The following TMEM132C variants were observed in gnomAD, a reference collection of about 807,000 sequenced individuals.
The protein encoded by TMEM132C is protein phosphatase 1, regulatory subunit 152.
A neutral mutation model predicts 61.4 loss-of-function variants in TMEM132C; 29 were observed. That is an observed-to-expected ratio of 0.47 (90% CI 0.35 to 0.64). TMEM132C has a LOEUF of 0.64. Among genes scored for constraint, TMEM132C ranks in the 30% least tolerant of loss-of-function variants. The probability of loss-of-function intolerance (pLI) is 0.00; values close to 1 mark genes in which losing one functional copy is unlikely to be tolerated. For missense variants in TMEM132C, 1,408 were observed against 1,476.9 expected (o/e 0.95, Z 0.76); for synonymous variants, 656 against 633.1 (o/e 1.04, Z -0.54).
At chr12:128,513,956 T>TA (rs1209832181) in intron 2 of TMEM132C, among the ~76,000 whole-genome samples, 1 of 152,136 alleles carries the variant, frequency 6.6e-6, no homozygotes, top group African/African-American at 2.4e-5. Flanking sequence ...AGACAGACCG[T>TA]AGGGAGGGTG....
intron 1 of TMEM132C, among the ~76,000 whole-genome samples, chr12:128,268,706 G>A (rs1284755364): frequency 6.6e-6 from 1 of 152,088 alleles, no homozygotes; most frequent in Non-Finnish European, 1.5e-5. Context: ...GTTGTCAATG[G>A]AGGTTTAAAA....
intron 5 of TMEM132C, among the ~76,000 whole-genome samples, chr12:128,686,081 A>ATG (rs540941095): frequency 8.1e-5 from 11 of 135,900 alleles, no homozygotes; most frequent in African/African-American, 2.0e-4. Flanking sequence ...GTGTGTGCGC[A>ATG]TGTGTGTTGT....
chr12:128,591,985 G>GATC (rs1875767971), intron 3 of TMEM132C, among the ~76,000 whole-genome samples: 1 of 145,534 alleles, frequency 6.9e-6, no homozygotes, highest in African/African-American at 2.5e-5. Context: ...CCGAGAGGCG[G>GATC]ATGTTGCAGT....
At chr12:128,429,507 A>G (rs1398868828) in intron 2 of TMEM132C, among the ~76,000 whole-genome samples, 1 of 151,984 alleles carries the variant, frequency 6.6e-6, no homozygotes, top group African/African-American at 2.4e-5. Context: ...TCTGCTGGGA[A>G]CCTGGCAGCC....
intron 2 of TMEM132C, among the ~76,000 whole-genome samples, chr12:128,475,734 A>T (rs1161541109): frequency 2.6e-5 from 4 of 152,174 alleles, no homozygotes; most frequent in Non-Finnish European, 5.9e-5. Flanking sequence ...TGGTCCCTTC[A>T]TCTGTGCAGA....
At chr12:128,575,823 C>T (rs1021493987) in intron 3 of TMEM132C, among the ~76,000 whole-genome samples, 38 of 152,230 alleles carry the variant, frequency 2.5e-4, no homozygotes, top group Non-Finnish European at 4.7e-4. Flanking sequence ...GTGTTCCAAA[C>T]GTGGCACAGT....
In TMEM132C at chr12:128,705,944, C is replaced by T. The variant is rs1053119492; in HGVS notation, c.2976C>T (p.Asp992=). Residue 992 remains aspartate, a synonymous_variant, in exon 9 of 9, where the codon GAC becomes GAT. Coordinates refer to ENST00000435159, the MANE Select transcript of TMEM132C (RefSeq NM_001136103.3). The part of the protein sequence containing the change: ...ESMGDAPPPQ[D]EHTTIIDRGP... Reference sequence around the variant, plus strand: ...TGGGGGATGCGCCGCCGCCCCAGGACGAGCACACCACCATCATAGACCGCG... The same window carrying T: ...TGGGGGATGCGCCGCCGCCCCAGGATGAGCACACCACCATCATAGACCGCG... The T allele has an allele frequency of 5.8e-6, 9 of 1,551,496 alleles. No homozygotes were observed. The highest frequency in any genetic ancestry group is 1.2e-5 in the South Asian group (1 of 84,058).
At chr12:128,279,811 A>G (rs1870832732) in intron 1 of TMEM132C, among the ~76,000 whole-genome samples, 1 of 151,800 alleles carries the variant, frequency 6.6e-6, no homozygotes. Context: ...TGCACTTATC[A>G]CCTCCTGATA....
chr12:128,468,411 G>A (rs757504119), intron 2 of TMEM132C, among the ~76,000 whole-genome samples: 6 of 152,002 alleles, frequency 3.9e-5, no homozygotes, highest in Non-Finnish European at 4.4e-5. Flanking sequence ...TCTGCCTTCC[G>A]GGTTCAAGCG....
At chr12:128,279,148 T>C (rs1870798732) in intron 1 of TMEM132C, among the ~76,000 whole-genome samples, 1 of 152,154 alleles carries the variant, frequency 6.6e-6, no homozygotes, top group African/African-American at 2.4e-5. Context: ...AAAGGGAATT[T>C]TGTTTTCTCT....
intron 3 of TMEM132C, among the ~76,000 whole-genome samples, chr12:128,597,951 A>G (rs575209452): frequency 7.6e-4 from 115 of 152,292 alleles, no homozygotes; most frequent in Admixed American, 2.7e-3. Flanking sequence ...GCTGGAGCGT[A>G]GTGATCAAGG....
intron 4 of TMEM132C, among the ~76,000 whole-genome samples, chr12:128,658,710 T>C (rs1954355849): frequency 6.6e-6 from 1 of 152,188 alleles, no homozygotes; most frequent in Non-Finnish European, 1.5e-5. Flanking sequence ...ATGTAAATGA[T>C]CAACCACTTA....
chr12:128,281,432 C>T (rs559433911), intron 1 of TMEM132C, among the ~76,000 whole-genome samples: 2 of 152,138 alleles, frequency 1.3e-5, no homozygotes, highest in African/African-American at 2.4e-5. Context: ...ATGGGAAAGC[C>T]AATTGTAGCA....
At chr12:128,388,778 C>T (rs1012930025) in intron 1 of TMEM132C, among the ~76,000 whole-genome samples, 1 of 152,270 alleles carries the variant, frequency 6.6e-6, no homozygotes, top group African/African-American at 2.4e-5. Context: ...CCTCCACTTC[C>T]GGGCGCTGAT....
At chr12:128,358,251 GAGAA>G (rs1249423966) in intron 1 of TMEM132C, among the ~76,000 whole-genome samples, 10 of 152,110 alleles carry the variant, frequency 6.6e-5, no homozygotes, top group African/African-American at 2.4e-4. Flanking sequence ...CTCCTTTGTT[GAGAA>G]AGAAAGATTC....
chr12:128,627,132 C>G (rs1225885309), intron 4 of TMEM132C, among the ~76,000 whole-genome samples: 4 of 152,234 alleles, frequency 2.6e-5, no homozygotes, highest in Non-Finnish European at 5.9e-5. Context: ...TGGAGGCCCT[C>G]CTGCCCCAAG....
chr12:128,365,874 G>A (rs1417507365), intron 1 of TMEM132C, among the ~76,000 whole-genome samples: 2 of 152,134 alleles, frequency 1.3e-5, no homozygotes, highest in African/African-American at 2.4e-5. Flanking sequence ...ATTGTGTGCC[G>A]AGGAGCCCTC....
At chr12:128,660,332 T>G (rs1954374588) in intron 4 of TMEM132C, among the ~76,000 whole-genome samples, 1 of 152,090 alleles carries the variant, frequency 6.6e-6, no homozygotes, top group Non-Finnish European at 1.5e-5. Flanking sequence ...TAACTTGCTT[T>G]AAAATAGCCA....
At chr12:128,564,956 G>C (rs4882704) in intron 3 of TMEM132C, among the ~76,000 whole-genome samples, 1 of 152,090 alleles carries the variant, frequency 6.6e-6, no homozygotes, top group Non-Finnish European at 1.5e-5. Context: ...AATATTATGG[G>C]ATATTGTTAT....
Sources: gnomAD v4.1 joint callset for allele counts (sites outside exome capture counted in the v4.1 genomes callset) on GRCh38, gnomAD v4.1.1 for gene constraint, MANE v1.5 for transcripts, NCBI Gene and HGNC (gene_info 2026-07-23, HGNC 2026-07-21) for gene names.